The following RTL4 variants were observed in gnomAD, a reference collection of about 807,000 sequenced individuals.
The protein encoded by RTL4 is retrotransposon Gag-like protein 4.
In RTL4, 4 loss-of-function variants were observed where a neutral mutation model predicts 5.3. The observed-to-expected ratio is 0.75, with a 90% CI of 0.37 to 1.72. The LOEUF is 1.72. RTL4 is among the 40% of genes most tolerant of loss of function. The pLI is 0.04. For missense variants in RTL4, 260 were observed against 227.1 expected, an observed-to-expected ratio of 1.14 and a Z score of -0.93; for synonymous variants, 98 against 87.3, an observed-to-expected ratio of 1.12 and a Z score of -0.68.
chrX:112,128,659 C>CAAAAAAAAA, the RTL4 span, among the ~76,000 whole-genome samples: 1 of 41,124 alleles, frequency 2.4e-5, no homozygotes, highest in African/African-American at 6.1e-5. Flanking sequence ...CTCTGTCTCA[C>CAAAAAAAAA]AAAAAAAAAA....
the RTL4 span, among the ~76,000 whole-genome samples, chrX:112,085,375 C>A: frequency 8.9e-6 from 1 of 112,559 alleles, no homozygotes; most frequent in South Asian, 3.7e-4. Context: ...GAGACATACT[C>A]TTTTCTCCTC....
the RTL4 span, among the ~76,000 whole-genome samples, chrX:112,259,334 T>A: frequency 1.9e-3 from 211 of 111,398 alleles, no homozygotes; most frequent in Non-Finnish European, 2.1e-3. Flanking sequence ...AAATCTTATA[T>A]ATTTTTGTTT....
the RTL4 span, among the ~76,000 whole-genome samples, chrX:112,415,946 G>A: frequency 4.5e-5 from 5 of 111,802 alleles, no homozygotes; most frequent in South Asian, 1.9e-3. Context: ...AAACTGTGCA[G>A]CTTAAAACAA....
chrX:112,302,504 T>C, the RTL4 span, among the ~76,000 whole-genome samples: 1 of 112,128 alleles, frequency 8.9e-6, no homozygotes, highest in Admixed American at 9.5e-5. Context: ...TGGGCTTTTA[T>C]TGTAGTGATG....
chrX:112,220,792 C>T, the RTL4 span, among the ~76,000 whole-genome samples: 1 of 111,963 alleles, frequency 8.9e-6, no homozygotes, highest in African/African-American at 3.2e-5. Flanking sequence ...CCAACAAGTT[C>T]CTCATCTCCA....
the RTL4 span, among the ~76,000 whole-genome samples, chrX:112,096,764 G>A: frequency 8.9e-6 from 1 of 111,831 alleles, no homozygotes; most frequent in Non-Finnish European, 1.9e-5. Flanking sequence ...AAGATAAGAG[G>A]ATGAAGCCAC....
the RTL4 span, among the ~76,000 whole-genome samples, chrX:112,162,419 A>G: frequency 6.3e-5 from 7 of 111,727 alleles, no homozygotes; most frequent in African/African-American, 2.3e-4. Flanking sequence ...AAAAGCTGTC[A>G]GGTATTCTTT....
exon 1 of RTL4, chrX:112,455,116 C>A (rs1926813931): frequency 1.7e-6 from 2 of 1,211,688 alleles, no homozygotes; most frequent in African/African-American, 1.7e-5. Flanking sequence ...GAATCTTATT[C>A]TTGAGTTCCA....
At chrX:112,335,729 A>T in the RTL4 span, among the ~76,000 whole-genome samples, 1 of 110,666 alleles carries the variant, frequency 9.0e-6, no homozygotes, top group Non-Finnish European at 1.9e-5. Context: ...TATTCTTTTT[A>T]TTCCAACTCA....
chrX:112,304,862 C>G, the RTL4 span, among the ~76,000 whole-genome samples: 4 of 108,902 alleles, frequency 3.7e-5, no homozygotes, highest in Non-Finnish European at 3.8e-5. Flanking sequence ...TCCTGCATCT[C>G]TCTTTCCTTA....
At chrX:112,311,708 T>C in the RTL4 span, among the ~76,000 whole-genome samples, 1 of 111,522 alleles carries the variant, frequency 9.0e-6, no homozygotes, top group East Asian at 2.8e-4. Flanking sequence ...TTCTGGAGCT[T>C]TGCTTTGAAA....
the RTL4 span, among the ~76,000 whole-genome samples, chrX:112,116,469 C>G: frequency 1.8e-5 from 2 of 111,106 alleles, no homozygotes; most frequent in Non-Finnish European, 3.8e-5. Flanking sequence ...TGCCACTACT[C>G]GCTGGGGTGA....
At chrX:112,346,396 A>G in the RTL4 span, among the ~76,000 whole-genome samples, 2 of 111,487 alleles carry the variant, frequency 1.8e-5, no homozygotes, top group Non-Finnish European at 3.8e-5. Context: ...CAAGGAGCCA[A>G]TGATGAGGGA....
the RTL4 span, among the ~76,000 whole-genome samples, chrX:112,088,130 C>G: frequency 1.8e-5 from 2 of 109,337 alleles, no homozygotes; most frequent in Non-Finnish European, 3.8e-5. Flanking sequence ...GGATTATAGG[C>G]ATGAGACACC....
upstream of RTL4, among the ~76,000 whole-genome samples, chrX:112,451,407 G>A (rs1926732802): frequency 9.0e-6 from 1 of 110,904 alleles, no homozygotes; most frequent in African/African-American, 3.3e-5. Context: ...GCTGGGGTGG[G>A]AAGATTACCA....
At chrX:112,366,036 TAG>T in the RTL4 span, among the ~76,000 whole-genome samples, 1 of 111,201 alleles carries the variant, frequency 9.0e-6, no homozygotes, top group Admixed American at 9.6e-5. Context: ...CTGTGGCTTA[TAG>T]TAGCCCATGG....
At chrX:112,160,017 T>A in the RTL4 span, among the ~76,000 whole-genome samples, 2 of 111,557 alleles carry the variant, frequency 1.8e-5, no homozygotes, top group South Asian at 7.6e-4. Flanking sequence ...AATTACCAAC[T>A]GTTGCTTTGT....
upstream of RTL4, chrX:112,454,423 C>A: frequency 4.8e-6 from 1 of 206,712 alleles, no homozygotes; most frequent in Admixed American, 7.0e-5. Context: ...GAGAAAGGTA[C>A]TGTGACTGTT....
At chrX:112,201,204 A>G in the RTL4 span, among the ~76,000 whole-genome samples, 2 of 110,788 alleles carry the variant, frequency 1.8e-5, no homozygotes, top group East Asian at 5.7e-4. Flanking sequence ...CTCACTCACT[A>G]TCATGAGAAC....
Sources: gnomAD v4.1 joint callset for allele counts (sites outside exome capture counted in the v4.1 genomes callset) on GRCh38, gnomAD v4.1.1 for gene constraint, MANE v1.5 for transcripts, NCBI Gene and HGNC (gene_info 2026-07-23, HGNC 2026-07-21) for gene names.